The following LRP4 variants were observed in gnomAD, a reference collection of about 807,000 sequenced individuals.
The protein encoded by LRP4 is LDL receptor related protein 4.
LRP4 carries 95 observed loss-of-function variants against 220.3 expected under a neutral mutation model. The observed-to-expected ratio is 0.43, with a 90% CI of 0.37 to 0.51. The LOEUF is 0.51. Ranked by LOEUF, LRP4 falls within the 20% of genes least tolerant of loss-of-function variation. The pLI is 0.00. For missense variants in LRP4, 1,925 were observed against 2,567.0 expected, an observed-to-expected ratio of 0.75 and a Z score of 5.40; for synonymous variants, 903 against 954.6, an observed-to-expected ratio of 0.95 and a Z score of 1.00.
At position 46,871,447 on chromosome 11, in the gene LRP4, A is replaced by G. The variant is rs1338718475; in HGVS notation, c.4692+78T>C. The G allele has an allele frequency of 3.1e-5, 31 of 989,622 alleles. No individual in the cohort carries two copies. In the South Asian group the frequency reaches 4.0e-4, roughly 13 times the overall value. The allele number at this position is 989,622 out of a possible 1,614,324, so 61.3% of individuals were successfully genotyped here. On this transcript the variant is annotated intron_variant, in intron 31 of 37. Transcript: ENST00000378623. ...AGCACGTCTGTTCAGTAGCAGCTAT[A>G]GCTGAGACTGCTGACTTAGAACCCC...
At chr11:46,867,197 T>C (rs1940726223) in intron 34 of LRP4, among the ~76,000 whole-genome samples, 1 of 152,174 alleles carries the variant, frequency 6.6e-6, no homozygotes, top group South Asian at 2.1e-4. Flanking sequence ...TTATGCTTGC[T>C]TATTTCATAA....
intron 7 of LRP4, among the ~76,000 whole-genome samples, chr11:46,897,393 T>A (rs1941561216): frequency 6.7e-6 from 1 of 148,998 alleles, no homozygotes. Flanking sequence ...TTAATTTTTT[T>A]ATTATCATTC....
chr11:46,879,615 A>C (rs1460318690), intron 20 of LRP4, among the ~76,000 whole-genome samples: 1 of 152,248 alleles, frequency 6.6e-6, no homozygotes, highest in African/African-American at 2.4e-5. Flanking sequence ...AAAAAATAGC[A>C]ACTTTACAGT....
At chr11:46,885,970 G>GGAC in intron 18 of LRP4, 121 bp downstream of exon 18, 1 of 856,688 alleles carries the variant, frequency 1.2e-6, no homozygotes, top group Non-Finnish European at 2.0e-6. Flanking sequence ...GACCTACCAA[G>GGAC]GACTTGAAGT....
intron 1 of LRP4, among the ~76,000 whole-genome samples, chr11:46,915,323 T>C (rs1166152972): frequency 6.6e-6 from 1 of 152,224 alleles, no homozygotes; most frequent in East Asian, 1.9e-4. Flanking sequence ...AACATTTCCC[T>C]TACCTGGATG....
intron 6 of LRP4, 53 bp downstream of exon 6, chr11:46,898,851 A>G: frequency 2.5e-6 from 4 of 1,612,946 alleles, no homozygotes; most frequent in Non-Finnish European, 2.5e-6. Context: ...TTGCCACCCA[A>G]GCAGTTCTTC....
In LRP4 at chr11:46,918,228, C is replaced by T; in HGVS notation, c.52+100G>A. 1.6e-6 allele frequency: 2 copies of T among 1,278,010 alleles called. No homozygotes were observed. Among genetic ancestry groups the T allele is most frequent in the Non-Finnish European group, 2.1e-6 (2 of 932,144 alleles). The allele number at this position is 1,278,010 out of a possible 1,614,324, so 79.2% of individuals were successfully genotyped here. A position where few individuals can be genotyped will look rare whatever the true frequency, so the allele number is the denominator to read the frequency against. On this transcript the variant is annotated intron_variant, in intron 1 of 37. Coordinates refer to ENST00000378623, the MANE Select transcript of LRP4 (RefSeq NM_002334.4). This position sits in a 1 kb window ranked among gnomAD's most constrained non-coding sequence, Gnocchi z 6.0. The stretch of plus-strand genomic sequence containing the variant: ...CCAGGGCCACGGCTAGGAGCGAGGG[C>T]GAGGGGTCTCAGGCCCCGGCCCGCG...
intron 1 of LRP4, among the ~76,000 whole-genome samples, chr11:46,909,941 C>G (rs1941828795): frequency 2.0e-5 from 3 of 152,166 alleles, no homozygotes; most frequent in Admixed American, 2.0e-4. Context: ...TTCCTTTCAC[C>G]AGCTGTATTA....
intron 37 of LRP4, among the ~76,000 whole-genome samples, chr11:46,861,767 AAAAC>A (rs1384466077): frequency 6.5e-4 from 99 of 151,912 alleles, no homozygotes; most frequent in African/African-American, 2.3e-3. Context: ...AAGTTAAAAA[AAAAC>A]AAACAAACAA....
chr11:46,879,150 C>T lies in LRP4; in HGVS notation c.2980G>A (p.Val994Ile), dbSNP rs370091369. The T allele has an allele frequency of 2.2e-4, 357 of 1,614,248 alleles. No homozygotes were observed. Among genetic ancestry groups the T allele is most frequent in the Non-Finnish European group, 2.9e-4 (344 of 1,180,042 alleles). Residue 994 changes from valine to isoleucine, a missense_variant, in exon 21 of 38, where the codon GTC becomes ATC. Coordinates refer to ENST00000378623, the MANE Select transcript of LRP4 (RefSeq NM_002334.4). ...CCTGGGGGCCGGCGGCGGTGGAAGA[C>T]ATGGATGTCCATTAGGTTTTCCAGG... is the stretch of plus-strand genomic sequence containing the variant. Reference protein sequence around the residue: ...ENLENLMDIHVFHRRRPPVST... With the variant: ...ENLENLMDIHIFHRRRPPVST...
In LRP4 at chr11:46,906,456, G is replaced by GA. The variant is rs770537480; in HGVS notation, c.53-3528dup. 1.4e-3 allele frequency among the ~76,000 whole-genome samples: 182 copies of GA among 128,364 alleles called. 1 individual carries two copies. Among genetic ancestry groups the GA allele is most frequent in the Middle Eastern group, 4.1e-3 (1 of 246 alleles). The allele number at this position is 128,364 out of a possible 152,430, so 84.2% of individuals were successfully genotyped here. Reference sequence around the variant, plus strand: ...GGGCAACACAGCGAGACTCTGTCTCGAAAAAAAAAAAAAGCAACAAAGATT... The same window carrying GA: ...GGGCAACACAGCGAGACTCTGTCTCGAAAAAAAAAAAAAAGCAACAAAGATT... On this transcript the variant is annotated intron_variant, in intron 1 of 37. Coordinates refer to ENST00000378623, the MANE Select transcript of LRP4 (RefSeq NM_002334.4).
chr11:46,895,442 G>A (rs1319313690), intron 10 of LRP4, 151 bp from the exon 11 acceptor site: 13 of 1,046,494 alleles, frequency 1.2e-5, no homozygotes, highest in African/African-American at 3.1e-5. Context: ...GCGGCCGGGC[G>A]TGGTGGCGCA....
rs376477758 is a variant in LRP4, at chr11:46,863,893, G to A, written c.5243+555C>T. On this transcript the variant is annotated intron_variant, in intron 36 of 37. Coordinates refer to ENST00000378623, the MANE Select transcript of LRP4 (RefSeq NM_002334.4). Reference sequence around the variant, plus strand: ...TATATCCATTAATGGTAACTGTTACGATGATGATGATGAAGAACAACAGCA... The same window carrying A: ...TATATCCATTAATGGTAACTGTTACAATGATGATGATGAAGAACAACAGCA... 9.9e-5 allele frequency among the ~76,000 whole-genome samples: 15 copies of A among 152,134 alleles called. No individual in the cohort carries two copies. In the East Asian group the frequency reaches 2.5e-3, roughly 25 times the overall value.
chr11:46,913,956 A>C (rs1185656383), intron 1 of LRP4, among the ~76,000 whole-genome samples: 1 of 152,160 alleles, frequency 6.6e-6, no homozygotes. Context: ...AGCTGCAATG[A>C]ATGAAGGACC....
Position 46,890,007 on chromosome 11 carries a change from T to C in LRP4, c.2029A>G (p.Ile677Val), listed in dbSNP as rs751288986. 2.5e-6 allele frequency: 4 copies of C among 1,614,054 alleles called. No individual in the cohort carries two copies. Among genetic ancestry groups the C allele is most frequent in the African/African-American group, 1.3e-5 (1 of 74,910 alleles). ...NKFTGKNQEI[I>V]RNKLHFPMDI... Reference sequence around the variant, plus strand: ...ATAGGGAAGTGGAGTTTGTTGCGAATGATTTCCTGGTTCTTCCCCGTAAAT... The same window carrying C: ...ATAGGGAAGTGGAGTTTGTTGCGAACGATTTCCTGGTTCTTCCCCGTAAAT... The change falls in exon 15 of 38, where the codon ATT becomes GTT. Residue 677 changes from isoleucine to valine, a missense_variant. Ile to Val is a conservative substitution (Grantham distance 29). This residue lies in a region of LRP4 where 1,244 missense variants were observed against 1,624.9 expected (regional missense o/e 0.77). Transcript: ENST00000378623. This position sits in a 1 kb window ranked among gnomAD's most constrained non-coding sequence, Gnocchi z 5.3.
At chr11:46,887,435 A>G (rs1941320108) in intron 16 of LRP4, among the ~76,000 whole-genome samples, 1 of 151,340 alleles carries the variant, frequency 6.6e-6, no homozygotes, top group South Asian at 2.1e-4. Flanking sequence ...ATGGTGGCTC[A>G]TGCCTGTAAT....
chr11:46,902,237 T>C (rs1272944110), intron 2 of LRP4, among the ~76,000 whole-genome samples: 1 of 151,702 alleles, frequency 6.6e-6, no homozygotes, highest in Non-Finnish European at 1.5e-5. Flanking sequence ...CACATGCCTG[T>C]AGTCCCAGCT....
intron 6 of LRP4, 109 bp downstream of exon 6, chr11:46,898,795 T>C: frequency 6.2e-7 from 1 of 1,604,296 alleles, no homozygotes; most frequent in African/African-American, 1.3e-5. Context: ...GACCAGAAAA[T>C]CCAGAAACTC....
At chr11:46,904,588 G>T (rs1441619130) in intron 1 of LRP4, among the ~76,000 whole-genome samples, 1 of 152,086 alleles carries the variant, frequency 6.6e-6, no homozygotes, top group Non-Finnish European at 1.5e-5. Context: ...ACGTTTCTGG[G>T]GTAAGGGATC....
Sources: allele counts gnomAD v4.1 joint callset (sites outside exome capture counted in the v4.1 genomes callset), GRCh38; gene constraint gnomAD v4.1.1; regional missense constraint gnomAD v4.1.1; non-coding constraint Gnocchi (gnomAD v3.1); transcripts MANE v1.5; gene names NCBI Gene and HGNC (gene_info 2026-07-23, HGNC 2026-07-21).